Variants in CSNK1G2 observed in about 807,000 individuals in gnomAD.
The protein encoded by CSNK1G2 is casein kinase 1 gamma 2, also known as casein kinase I isoform gamma-2.
In CSNK1G2, 11 loss-of-function variants were observed where a neutral mutation model predicts 48.0. That is an observed-to-expected ratio of 0.23 (90% CI 0.14 to 0.38). The LOEUF (loss-of-function observed/expected upper bound fraction) is 0.38, where lower values mean the gene tolerates loss of function less well. CSNK1G2 is among the 10% of genes least tolerant of loss of function. The probability of loss-of-function intolerance (pLI) is 1.00; values close to 1 mark genes in which losing one functional copy is unlikely to be tolerated. For synonymous variants in CSNK1G2, 337 were observed against 254.1 expected (o/e 1.33, Z -3.10); for missense variants, 446 against 595.5 (o/e 0.75, Z 2.61).
At chr19:1,951,236 TA>T in intron 1 of CSNK1G2, among the ~76,000 whole-genome samples, 1 of 143,446 alleles carries the variant, frequency 7.0e-6, no homozygotes, top group African/African-American at 2.7e-5. Flanking sequence ...CTGTCTCTAC[TA>T]AAAAAAATAC....
chr19:1,944,430 C>T (rs1470099682), intron 1 of CSNK1G2, among the ~76,000 whole-genome samples: 9 of 152,110 alleles, frequency 5.9e-5, no homozygotes, highest in East Asian at 1.9e-4. Context: ...ATGAGGAAGT[C>T]GAGGCCTACC....
At position 1,957,210 on chromosome 19, in the gene CSNK1G2, G is replaced by A. The variant is rs1170142469; in HGVS notation, c.-265-12298G>A. Among the ~76,000 whole-genome samples the A allele has an allele frequency of 6.6e-6, 1 of 152,172 alleles. No individual in the cohort carries two copies. The highest frequency in any genetic ancestry group is 1.5e-5 in the Non-Finnish European group (1 of 68,034). ...TCCCTCCAGGCAGCCCCACAGGCCC[G>A]AGGGCCACCGTGTCAGGAGGGATAG... On this transcript the variant is annotated intron_variant, in intron 1 of 11. Coordinates refer to ENST00000255641, the MANE Select transcript of CSNK1G2 (RefSeq NM_001319.7). The surrounding 1 kb of genome is among the most constrained non-coding windows in gnomAD (Gnocchi z 5.4).
Position 1,979,099 on chromosome 19 carries a change from C to T in CSNK1G2, c.682+6C>T. On this transcript the variant is annotated splice_donor_region_variant and intron_variant, in intron 6 of 11. Coordinates refer to ENST00000255641, the MANE Select transcript of CSNK1G2 (RefSeq NM_001319.7). ...CAACACGCACCTGGGCAAGGGTGAG[C>T]TGCGCGCGCGCGGCGGGGGGCGGGC... 3 of 1,595,316 alleles carry T rather than the reference C, an allele frequency of 1.9e-6. No homozygotes were observed. Among genetic ancestry groups the T allele is most frequent in the Non-Finnish European group, 2.6e-6 (3 of 1,176,092 alleles).
rs1219626903 is a variant in CSNK1G2, at chr19:1,979,741, C to G, written c.1003-11C>G. 3.7e-6 allele frequency: 6 copies of G among 1,605,272 alleles called. No individual in the cohort carries two copies. Among genetic ancestry groups the G allele is most frequent in the Non-Finnish European group, 5.1e-6 (6 of 1,179,536 alleles). On this transcript the variant is annotated splice_polypyrimidine_tract_variant and intron_variant, in intron 9 of 11. Coordinates refer to ENST00000255641, the MANE Select transcript of CSNK1G2 (RefSeq NM_001319.7). ...TGCAGCCCATCCTGACCCCTGCTCC[C>G]TCACCCACAGCCGACCCCCATCGGC... is the stretch of plus-strand genomic sequence containing the variant.
intron 1 of CSNK1G2, among the ~76,000 whole-genome samples, chr19:1,947,167 A>G (rs990412736): frequency 1.3e-5 from 2 of 152,308 alleles, no homozygotes; most frequent in East Asian, 1.9e-4. Context: ...GCTTAAAGGT[A>G]ATCCCTCAAT....
At chr19:1,970,367 G>A (rs939341734) in intron 2 of CSNK1G2, among the ~76,000 whole-genome samples, 2 of 152,252 alleles carry the variant, frequency 1.3e-5, no homozygotes, top group Non-Finnish European at 2.9e-5. Flanking sequence ...CGGAGCTGGC[G>A]TCAGGTGGCT....
At chr19:1,941,618 C>T (rs1271135387) in intron 1 of CSNK1G2, among the ~76,000 whole-genome samples, 200 bp downstream of exon 1, 4 of 149,152 alleles carry the variant, frequency 2.7e-5, no homozygotes, top group African/African-American at 5.0e-5. Context: ...AGGGCCCCAC[C>T]GCCGCAACAC....
intron 1 of CSNK1G2, among the ~76,000 whole-genome samples, chr19:1,948,090 C>T (rs2099647): frequency 0.13 from 20,137 of 152,128 alleles, 1,443 homozygotes; most frequent in South Asian, 0.19. Flanking sequence ...GGTGTGGCTT[C>T]GGGGGGCGGC....
Position 1,969,554 on chromosome 19 carries a change from C to G in CSNK1G2, c.-219C>G. On this transcript the variant is annotated 5_prime_UTR_variant, in exon 2 of 12. Transcript: ENST00000255641. ...GCGGTGGGATGTGTCAGCAGAATGT[C>G]TCCTGCCCCCGAGAGCGACCCCGAG... The G allele has an allele frequency of 5.3e-6, 2 of 377,716 alleles. No homozygotes were observed. The highest frequency in any genetic ancestry group is 4.7e-6 in the Non-Finnish European group (1 of 212,466). The allele number at this position is 377,716 out of a possible 1,614,324, so 23.4% of individuals were successfully genotyped here. A position where few individuals can be genotyped will look rare whatever the true frequency, so the allele number is the denominator to read the frequency against.
intron 1 of CSNK1G2, among the ~76,000 whole-genome samples, chr19:1,964,732 T>TC (rs1555681292): frequency 8.6e-6 from 1 of 116,790 alleles, no homozygotes; most frequent in Non-Finnish European, 2.0e-5. Context: ...TTTGTTTTTT[T>TC]GTTTTTTTTT....
At chr19:1,948,396 G>A (rs1416719326) in intron 1 of CSNK1G2, among the ~76,000 whole-genome samples, 2 of 152,100 alleles carry the variant, frequency 1.3e-5, no homozygotes, top group African/African-American at 4.8e-5. Context: ...GGTGGCAGGC[G>A]CCTGTACTCC....
chr19:1,973,629 GGCT>G lies in CSNK1G2; in HGVS notation c.187+3686_187+3688del, dbSNP rs572856566. Reference sequence around the variant, plus strand: ...GTGCTCTCCTGGTGTCAGGCTGTGCGGCTGCTGCTGCTGCTGCTTGAAAGTTTA... The same window carrying G: ...GTGCTCTCCTGGTGTCAGGCTGTGCGGCTGCTGCTGCTGCTTGAAAGTTTA... On this transcript the variant is annotated intron_variant, in intron 2 of 11. Coordinates refer to ENST00000255641, the MANE Select transcript of CSNK1G2 (RefSeq NM_001319.7). Among the ~76,000 whole-genome samples the G allele has an allele frequency of 3.3e-5, 5 of 152,262 alleles. No individual in the cohort carries two copies. In the East Asian group the frequency reaches 7.7e-4, roughly 24 times the overall value.
At chr19:1,942,128 G>C (rs1436354297) in intron 1 of CSNK1G2, among the ~76,000 whole-genome samples, 1 of 152,104 alleles carries the variant, frequency 6.6e-6, no homozygotes, top group East Asian at 1.9e-4. Context: ...ACTCCCGGCT[G>C]GGCTCGCTGC....
rs1205204224 is a variant in CSNK1G2 at position 1,967,923 on chromosome 19, CT to C, written c.-265-1583del. Among the ~76,000 whole-genome samples the C allele has an allele frequency of 2.8e-4, 10 of 35,318 alleles. 2 individuals are homozygous for C. The highest frequency in any genetic ancestry group is 9.6e-4 in the African/African-American group (7 of 7,324). 23.2% of individuals were successfully genotyped at this position (35,318 alleles called of 152,430 possible). The stretch of plus-strand genomic sequence containing the variant: ...TGCAGGTGGGGCTCCTCCCTCCTCC[CT>C]TCTCCCCAGGCTGCCCCCGACCACC... On this transcript the variant is annotated intron_variant, in intron 1 of 11. Transcript: ENST00000255641.
chr19:1,969,678 T>C lies in CSNK1G2; in HGVS notation c.-95T>C. ...GCCCGCCCACCGGCCGCAGTGATGTTCTAGCCACAGAGGAGCCAAGACCTC... is the reference window on the plus strand; with the variant it reads ...GCCCGCCCACCGGCCGCAGTGATGTCCTAGCCACAGAGGAGCCAAGACCTC... On this transcript the variant is annotated 5_prime_UTR_variant, in exon 2 of 12. Transcript: ENST00000255641. The C allele has an allele frequency of 9.1e-7, 1 of 1,101,292 alleles. No homozygotes were observed. The highest frequency in any genetic ancestry group is 1.2e-6 in the Non-Finnish European group (1 of 856,468). 68.2% of individuals were successfully genotyped at this position (1,101,292 alleles called of 1,614,324 possible).
chr19:1,979,590 G>A lies in CSNK1G2; in HGVS notation c.949G>A (p.Asp317Asn), dbSNP rs764650976. 9 of 1,607,584 alleles carry A rather than the reference G, an allele frequency of 5.6e-6. No individual in the cohort carries two copies. The East Asian group carries it at 1.6e-4, about 28-fold the overall frequency. Residue 317 changes from aspartate (D) to asparagine (N), a missense_variant, in exon 9 of 12, where the codon GAC (aspartate) becomes AAC (asparagine). Around this residue, in one of 2 missense-constraint regions of CSNK1G2, gnomAD observed 188 missense variants for 179.6 expected, o/e 1.05. Transcript: ENST00000255641. ...YLRKLFTDLF[D>N]RSGFVFDYEY... ...GCGGAAGCTCTTCACCGACCTCTTC[G>A]ACCGCAGTGGCTTCGTGTTCGACTA...
chr19:1,979,512 C>G lies in CSNK1G2; in HGVS notation c.871C>G (p.Leu291Val). ...ENFPEEMATY[L>V]RYVRRLDFFE... ...CTCTGCAGAGGAGATGGCCACGTAC[C>G]TGCGCTATGTGCGGCGCCTGGACTT... is the stretch of plus-strand genomic sequence containing the variant. Residue 291 changes from leucine (L) to valine (V), a missense_variant, in exon 9 of 12, where the codon CTG becomes GTG. Coordinates refer to ENST00000255641, the MANE Select transcript of CSNK1G2 (RefSeq NM_001319.7). The G allele has an allele frequency of 6.3e-7, 1 of 1,576,740 alleles. No individual in the cohort carries two copies. The highest frequency in any genetic ancestry group is 8.6e-7 in the Non-Finnish European group (1 of 1,161,540).
chr19:1,953,493 T>C (rs1334610667), intron 1 of CSNK1G2: 1 of 533,648 alleles, frequency 1.9e-6, no homozygotes, highest in Non-Finnish European at 3.9e-6. Flanking sequence ...CAGCCTTGCC[T>C]CCGTTTGCAT....
chr19:1,972,534 C>A (rs534431811), intron 2 of CSNK1G2, among the ~76,000 whole-genome samples: 1 of 152,186 alleles, frequency 6.6e-6, no homozygotes, highest in African/African-American at 2.4e-5. Context: ...CTTCTTGGAT[C>A]TCTGTGTTGG....
Sources: allele counts gnomAD v4.1 joint callset (sites outside exome capture counted in the v4.1 genomes callset), GRCh38; gene constraint gnomAD v4.1.1; regional missense constraint gnomAD v4.1.1; non-coding constraint Gnocchi (gnomAD v3.1); transcripts MANE v1.5; gene names NCBI Gene and HGNC (gene_info 2026-07-23, HGNC 2026-07-21).